The following TAMM41 variants were observed in gnomAD, a reference collection of about 807,000 sequenced individuals.
TAMM41 encodes the protein TAM41 mitochondrial translocator assembly and maintenance homolog, also known as phosphatidate cytidylyltransferase, mitochondrial.
TAMM41 carries 36 observed loss-of-function variants against 44.1 expected under a neutral mutation model. That is an observed-to-expected ratio of 0.82 (90% CI 0.63 to 1.08). TAMM41 has a LOEUF of 1.08. TAMM41 is among the 50% of genes least tolerant of loss of function. The pLI is 0.00. For missense variants in TAMM41, 417 were observed against 404.3 expected, an observed-to-expected ratio of 1.03 and a Z score of -0.27; for synonymous variants, 164 against 153.1, an observed-to-expected ratio of 1.07 and a Z score of -0.53.
At chr3:11,813,828 ATGTG>A (rs143683206) in intron 5 of TAMM41, among the ~76,000 whole-genome samples, 2,529 of 143,092 alleles carry the variant, frequency 0.018, 34 homozygotes, top group Non-Finnish European at 0.025. Flanking sequence ...GTACAAATAT[ATGTG>A]TGTGTGTGTG....
the TAMM41 span, among the ~76,000 whole-genome samples, chr3:11,760,993 C>T: frequency 3.3e-5 from 5 of 151,760 alleles, no homozygotes; most frequent in African/African-American, 9.7e-5. Flanking sequence ...GGTGAAACCC[C>T]GTCTCTACTA....
At chr3:11,725,403 C>CTTCT in the TAMM41 span, among the ~76,000 whole-genome samples, 7,405 of 129,418 alleles carry the variant, frequency 0.057, 290 homozygotes, top group South Asian at 0.084. Flanking sequence ...TTTCTTCTTC[C>CTTCT]TCTTCTTCTT....
intron 3 of TAMM41, among the ~76,000 whole-genome samples, chr3:11,838,407 G>A (rs746003319): frequency 4.6e-5 from 7 of 152,176 alleles, no homozygotes; most frequent in Admixed American, 1.3e-4. Context: ...TAGTAGAGAC[G>A]GGGTTTCACC....
chr3:11,837,110 G>A (rs2079213898), intron 3 of TAMM41, among the ~76,000 whole-genome samples: 1 of 152,174 alleles, frequency 6.6e-6, no homozygotes, highest in South Asian at 2.1e-4. Flanking sequence ...CAGGTGCAAA[G>A]CAGGAGAATC....
chr3:11,727,770 C>CT, the TAMM41 span, among the ~76,000 whole-genome samples: 1,183 of 149,406 alleles, frequency 7.9e-3, 15 homozygotes, highest in African/African-American at 0.027. Context: ...TGGCCTATTT[C>CT]TTTTTTTTTC....
the TAMM41 span, among the ~76,000 whole-genome samples, chr3:11,781,480 A>T: frequency 6.6e-6 from 1 of 152,140 alleles, no homozygotes; most frequent in African/African-American, 2.4e-5. Flanking sequence ...CACACCTGTA[A>T]TCCCAGCACT....
chr3:11,807,766 T>C, intron 7 of TAMM41, 67 bp downstream of exon 7: 2 of 1,536,076 alleles, frequency 1.3e-6, no homozygotes, highest in East Asian at 2.4e-5. Flanking sequence ...AGCTTTACAC[T>C]GTAACCAAGA....
At chr3:11,828,394 C>T (rs1332363804) in intron 4 of TAMM41, among the ~76,000 whole-genome samples, 1 of 152,174 alleles carries the variant, frequency 6.6e-6, no homozygotes, top group Admixed American at 6.5e-5. Flanking sequence ...CTCCCAGAAT[C>T]CATCCAATGC....
intron 7 of TAMM41, among the ~76,000 whole-genome samples, chr3:11,799,429 A>G (rs1846206): frequency 0.41 from 62,729 of 152,056 alleles, 13,187 homozygotes; most frequent in Admixed American, 0.49. Flanking sequence ...CTCTGCCCTC[A>G]GCACTATGCT....
chr3:11,817,181 C>T lies in TAMM41; in HGVS notation c.708+11G>A, dbSNP rs756077140. 6.2e-7 allele frequency: 1 copy of T among 1,605,148 alleles called. No individual in the cohort carries two copies. Among genetic ancestry groups the T allele is most frequent in the East Asian group, 2.2e-5 (1 of 44,694 alleles). ...TAGAAACAATACAAGCTATTTTCCA[C>T]ATACAGTTACCTCCAGCCAGCCTTG... On this transcript the variant is annotated intron_variant, in intron 5 of 7. Transcript: ENST00000455809.
At chr3:11,747,158 G>A in the TAMM41 span, among the ~76,000 whole-genome samples, 1 of 150,906 alleles carries the variant, frequency 6.6e-6, no homozygotes, top group African/African-American at 2.4e-5. Context: ...TGCTTCCCAG[G>A]TCCCAGCAAT....
the TAMM41 span, among the ~76,000 whole-genome samples, chr3:11,742,668 C>T: frequency 1.3e-5 from 2 of 148,902 alleles, no homozygotes; most frequent in Non-Finnish European, 2.9e-5. Flanking sequence ...TTCACTGCAG[C>T]CTTTAACTCC....
At chr3:11,799,714 T>C (rs1293227293) in intron 7 of TAMM41, among the ~76,000 whole-genome samples, 7 of 152,186 alleles carry the variant, frequency 4.6e-5, no homozygotes, top group Non-Finnish European at 7.3e-5. Flanking sequence ...AGCAAGTGTG[T>C]CAGATATCCA....
At chr3:11,722,681 A>G in the TAMM41 span, among the ~76,000 whole-genome samples, 1 of 152,316 alleles carries the variant, frequency 6.6e-6, no homozygotes, top group Admixed American at 6.5e-5. Flanking sequence ...AAAATACAAA[A>G]AAAAAATGGT....
the TAMM41 span, among the ~76,000 whole-genome samples, chr3:11,755,814 C>T: frequency 6.6e-6 from 1 of 152,220 alleles, no homozygotes; most frequent in Non-Finnish European, 1.5e-5. Context: ...TTAGGGTCCA[C>T]ACATGCCATG....
At chr3:11,748,672 C>T in the TAMM41 span, among the ~76,000 whole-genome samples, 1 of 152,116 alleles carries the variant, frequency 6.6e-6, no homozygotes, top group African/African-American at 2.4e-5. Flanking sequence ...AGCCACTGCA[C>T]CTGGCCTGTT....
At chr3:11,753,019 G>T in the TAMM41 span, among the ~76,000 whole-genome samples, 1 of 152,072 alleles carries the variant, frequency 6.6e-6, no homozygotes, top group Non-Finnish European at 1.5e-5. Context: ...CATGTCCGAA[G>T]GGGTTCAGAT....
intron 4 of TAMM41, among the ~76,000 whole-genome samples, chr3:11,820,881 T>C (rs926646447): frequency 7.9e-5 from 12 of 152,332 alleles, no homozygotes; most frequent in African/African-American, 2.6e-4. Flanking sequence ...AAGCCACCTG[T>C]AGGTGGCCTT....
intron 1 of TAMM41, among the ~76,000 whole-genome samples, chr3:11,845,381 T>C (rs2079637346): frequency 6.6e-6 from 1 of 152,090 alleles, no homozygotes; most frequent in Non-Finnish European, 1.5e-5. Context: ...GGAAGGACCT[T>C]TTCTTGCAGG....
Sources: gnomAD v4.1 joint callset for allele counts (sites outside exome capture counted in the v4.1 genomes callset) on GRCh38, gnomAD v4.1.1 for gene constraint, MANE v1.5 for transcripts, NCBI Gene and HGNC (gene_info 2026-07-23, HGNC 2026-07-21) for gene names.